KCNIP4: variants seen among roughly 807,000 people sequenced by gnomAD.
KCNIP4 encodes the protein Kv channel-interacting protein 4.
In KCNIP4, 12 loss-of-function variants were observed where a neutral mutation model predicts 34.0. The ratio of observed to expected loss-of-function variants is 0.35; its 90% CI spans 0.23 to 0.57. The LOEUF (loss-of-function observed/expected upper bound fraction) is 0.57. KCNIP4 is among the 20% of genes least tolerant of loss of function. The pLI is 0.83. For synonymous variants in KCNIP4, 124 were observed against 102.2 expected, an observed-to-expected ratio of 1.21 and a Z score of -1.29; for missense variants, 238 against 311.7, an observed-to-expected ratio of 0.76 and a Z score of 1.78.
At position 20,735,263 on chromosome 4, in the gene KCNIP4, A is replaced by G. The variant is rs147968823; in HGVS notation, c.430-528T>C. Among the ~76,000 whole-genome samples, 356 of 152,280 alleles carry G rather than the reference A, an allele frequency of 2.3e-3. 8 individuals are homozygous for G. The South Asian group carries it at 0.046, about 20-fold the overall frequency. ...GACTGCCTGGATTCACCCTCCAGCT[A>G]TATTACTGGATGGCTTTGTGTCTTC... On this transcript the variant is annotated intron_variant, in intron 5 of 8. Transcript: ENST00000382152.
chr4:20,947,665 T>A (rs370427338), intron 1 of KCNIP4, among the ~76,000 whole-genome samples: 2 of 152,178 alleles, frequency 1.3e-5, no homozygotes, highest in African/African-American at 4.8e-5. Context: ...GTAAGGAAGC[T>A]CCTTAACTTT....
chr4:21,711,574 A>T (rs1039776212), intron 1 of KCNIP4, among the ~76,000 whole-genome samples: 12 of 152,234 alleles, frequency 7.9e-5, no homozygotes, highest in Non-Finnish European at 1.5e-4. Flanking sequence ...AAAATGTGTA[A>T]AAATATAAAA....
rs186369420 is a variant in KCNIP4 at position 21,012,034 on chromosome 4, C to T, written c.62-129325G>A. Among the ~76,000 whole-genome samples the T allele has an allele frequency of 2.8e-4, 42 of 152,250 alleles. 1 individual carries two copies. The South Asian group carries it at 5.0e-3, about 18-fold the overall frequency. ...GAAACAAAAGCATGATAAGAATGTGCTAAGCTAATTCGAAAGGGAAGCAAG... is the reference window on the plus strand; with the variant it reads ...GAAACAAAAGCATGATAAGAATGTGTTAAGCTAATTCGAAAGGGAAGCAAG... On this transcript the variant is annotated intron_variant, in intron 1 of 8. Coordinates refer to ENST00000382152, the MANE Select transcript of KCNIP4 (RefSeq NM_025221.6).
At chr4:21,154,368 G>A (rs542602084) in intron 1 of KCNIP4, among the ~76,000 whole-genome samples, 250 of 152,184 alleles carry the variant, frequency 1.6e-3, no homozygotes, top group African/African-American at 2.3e-3. Context: ...AGAAACTTAA[G>A]GTAAAACGAT....
chr4:21,340,464 A>G (rs1716640999), intron 1 of KCNIP4, among the ~76,000 whole-genome samples: 1 of 152,126 alleles, frequency 6.6e-6, no homozygotes, highest in South Asian at 2.1e-4. Flanking sequence ...GATTTATGTT[A>G]TGTCTGATTT....
At chr4:21,737,495 C>A (rs563125810) in intron 1 of KCNIP4, among the ~76,000 whole-genome samples, 26 of 152,098 alleles carry the variant, frequency 1.7e-4, no homozygotes, top group Admixed American at 7.2e-4. Flanking sequence ...TTCTCTTTGA[C>A]AAATTTTTAA....
rs185712521 is a variant in KCNIP4 at position 21,492,432 on chromosome 4, C to A, written c.61+456139G>T. ...AGACATAGGGCCTCTCTTTTTTGCC[C>A]AGGCTGCTCTCGAACTCCTGGCCTC... On this transcript the variant is annotated intron_variant, in intron 1 of 8. Transcript: ENST00000382152. 4.6e-5 allele frequency among the ~76,000 whole-genome samples: 7 copies of A among 151,896 alleles called. No individual in the cohort carries two copies. In the East Asian group the frequency reaches 1.4e-3, roughly 29 times the overall value.
At chr4:21,925,608 T>TC (rs941219546) in intron 1 of KCNIP4, among the ~76,000 whole-genome samples, 1 of 152,096 alleles carries the variant, frequency 6.6e-6, no homozygotes, top group Admixed American at 6.6e-5. Context: ...AAATTCCTTT[T>TC]CCCCCCACCC....
intron 1 of KCNIP4, among the ~76,000 whole-genome samples, chr4:21,643,382 T>C (rs936520663): frequency 6.6e-6 from 1 of 152,164 alleles, no homozygotes; most frequent in African/African-American, 2.4e-5. Context: ...CACAGGATAG[T>C]AGTATTAATC....
chr4:21,334,819 T>A (rs1716011798), intron 1 of KCNIP4, among the ~76,000 whole-genome samples: 1 of 152,124 alleles, frequency 6.6e-6, no homozygotes, highest in East Asian at 1.9e-4. Context: ...AAAGTCCAAC[T>A]CTGTGGTAGC....
At chr4:20,742,786 C>T (rs568765330) in intron 5 of KCNIP4, among the ~76,000 whole-genome samples, 10 of 152,170 alleles carry the variant, frequency 6.6e-5, no homozygotes, top group South Asian at 6.2e-4. Flanking sequence ...TCCCTGTTTG[C>T]GGATGACATG....
intron 1 of KCNIP4, among the ~76,000 whole-genome samples, chr4:21,788,342 A>G (rs575073141): frequency 6.6e-6 from 1 of 152,354 alleles, no homozygotes; most frequent in South Asian, 2.1e-4. Context: ...ATTAACACAT[A>G]GCTAAATGAC....
intron 1 of KCNIP4, among the ~76,000 whole-genome samples, chr4:21,935,884 G>A (rs559198587): frequency 2.0e-5 from 3 of 151,532 alleles, no homozygotes; most frequent in East Asian, 2.0e-4. Flanking sequence ...TCAGTGATTC[G>A]CAACTTAACA....
At chr4:21,493,872 G>C (rs999785736) in intron 1 of KCNIP4, among the ~76,000 whole-genome samples, 2 of 152,192 alleles carry the variant, frequency 1.3e-5, no homozygotes, top group Non-Finnish European at 2.9e-5. Flanking sequence ...TCAAGCTCTA[G>C]GGGGATTGTC....
chr4:21,803,584 T>A (rs1461474608), intron 1 of KCNIP4, among the ~76,000 whole-genome samples: 1 of 152,158 alleles, frequency 6.6e-6, no homozygotes. Flanking sequence ...ACCATTACCC[T>A]GCCCTCTATT....
chr4:20,803,006 C>T (rs1292223164), intron 3 of KCNIP4, among the ~76,000 whole-genome samples: 15 of 142,718 alleles, frequency 1.1e-4, no homozygotes, highest in African/African-American at 1.1e-4. Context: ...ATCTGGGAGG[C>T]GTAGCATGCA....
chr4:21,948,383 A>AC (rs1055236030), intron 1 of KCNIP4, among the ~76,000 whole-genome samples, 188 bp downstream of exon 1: 6 of 149,960 alleles, frequency 4.0e-5, no homozygotes, highest in African/African-American at 1.5e-4. Flanking sequence ...TCTTGCATGC[A>AC]CCCCCCTCTC....
chr4:21,787,181 C>G (rs1365842080), intron 1 of KCNIP4, among the ~76,000 whole-genome samples: 1 of 152,198 alleles, frequency 6.6e-6, no homozygotes, highest in East Asian at 1.9e-4. Context: ...AATTTACCTT[C>G]AGGCTATGTG....
intron 1 of KCNIP4, among the ~76,000 whole-genome samples, chr4:21,863,471 C>T (rs1180257500): frequency 6.6e-6 from 1 of 150,882 alleles, no homozygotes; most frequent in East Asian, 2.0e-4. Context: ...GCTTCATTAA[C>T]CGAGTAAGGA....
Sources: gnomAD v4.1 joint callset for allele counts (sites outside exome capture counted in the v4.1 genomes callset) on GRCh38, gnomAD v4.1.1 for gene constraint, MANE v1.5 for transcripts, NCBI Gene and HGNC (gene_info 2026-07-23, HGNC 2026-07-21) for gene names.